The following CFDP1 variants were observed in gnomAD, a reference collection of about 807,000 sequenced individuals.
CFDP1 encodes heterochromatin-stabilizing protein CFDP1.
CFDP1 carries 31 observed loss-of-function variants against 40.1 expected under a neutral mutation model. The observed-to-expected ratio is 0.77, with a 90% CI of 0.58 to 1.04. The LOEUF (loss-of-function observed/expected upper bound fraction) is 1.04, where lower values mean the gene tolerates loss of function less well. Among genes scored for constraint, CFDP1 ranks in the 50% least tolerant of loss-of-function variants. CFDP1 has a pLI of 0.00. For missense variants in CFDP1, 423 were observed against 343.4 expected, an observed-to-expected ratio of 1.23 and a Z score of -1.83; for synonymous variants, 167 against 120.0, an observed-to-expected ratio of 1.39 and a Z score of -2.56.
chr16:75,367,284 A>T (rs1293744401), intron 5 of CFDP1, among the ~76,000 whole-genome samples: 1 of 151,984 alleles, frequency 6.6e-6, no homozygotes, highest in Non-Finnish European at 1.5e-5. Flanking sequence ...ACAATAGAAA[A>T]ATTTAGGGAG....
chr16:75,336,916 T>C (rs2078492889), intron 5 of CFDP1, among the ~76,000 whole-genome samples: 1 of 152,216 alleles, frequency 6.6e-6, no homozygotes, highest in Admixed American at 6.5e-5. Context: ...TCTTGCGAGC[T>C]GTTGGTTCCT....
intron 1 of CFDP1, among the ~76,000 whole-genome samples, chr16:75,427,249 A>AT (rs1367448098): frequency 4.6e-5 from 7 of 151,388 alleles, no homozygotes; most frequent in Admixed American, 2.6e-4. Context: ...AAATTAGCTA[A>AT]TTTTTTTTCT....
chr16:75,397,886 C>T (rs166012), intron 4 of CFDP1, among the ~76,000 whole-genome samples: 3,383 of 152,312 alleles, frequency 0.022, 57 homozygotes, highest in Non-Finnish European at 0.035. Flanking sequence ...CTTGGATACA[C>T]GACTTGCTAC....
At chr16:75,375,581 CAGG>C (rs2078786141) in intron 5 of CFDP1, among the ~76,000 whole-genome samples, 1 of 151,962 alleles carries the variant, frequency 6.6e-6, no homozygotes, top group African/African-American at 2.4e-5. Context: ...CACCTCAGGT[CAGG>C]AGTTCAAGAC....
chr16:75,354,462 G>A (rs1003384955), intron 5 of CFDP1, among the ~76,000 whole-genome samples: 6 of 152,106 alleles, frequency 3.9e-5, no homozygotes. Flanking sequence ...AAAGTCATAT[G>A]AGCATGAGGT....
At position 75,377,180 on chromosome 16, in the gene CFDP1, C is replaced by A. The variant is rs976165505; in HGVS notation, c.650+17910G>T. Among the ~76,000 whole-genome samples, 3 of 152,206 alleles carry A rather than the reference C, an allele frequency of 2.0e-5. No individual in the cohort carries two copies. In the East Asian group the frequency reaches 5.8e-4, roughly 29 times the overall value. ...ATGGATGTATTCAATTGTGAAAACT[C>A]ATTAAATTGAACACTTAAGGCCCCT... is the stretch of plus-strand genomic sequence containing the variant. On this transcript the variant is annotated intron_variant, in intron 5 of 6. Coordinates refer to ENST00000283882, the MANE Select transcript of CFDP1 (RefSeq NM_006324.3).
chr16:75,367,934 G>A (rs556322792), intron 5 of CFDP1, among the ~76,000 whole-genome samples: 1 of 150,946 alleles, frequency 6.6e-6, no homozygotes, highest in African/African-American at 2.5e-5. Context: ...GTGAAACTCT[G>A]CCTCTACTAA....
intron 5 of CFDP1, 148 bp from the exon 6 acceptor site, chr16:75,305,330 G>A (rs1188754947): frequency 1.4e-6 from 1 of 728,666 alleles, no homozygotes; most frequent in Non-Finnish European, 2.2e-6. Context: ...CCTTCCTGGT[G>A]TGGAGAGCAC....
chr16:75,350,405 T>A (rs1282798099), intron 5 of CFDP1, among the ~76,000 whole-genome samples: 1 of 152,208 alleles, frequency 6.6e-6, no homozygotes, highest in Non-Finnish European at 1.5e-5. Flanking sequence ...GCTATTTCCA[T>A]CTTTTTAAAT....
At chr16:75,374,841 C>G (rs920323151) in intron 5 of CFDP1, among the ~76,000 whole-genome samples, 1 of 152,040 alleles carries the variant, frequency 6.6e-6, no homozygotes, top group African/African-American at 2.4e-5. Flanking sequence ...CTTACTAATT[C>G]TTCAAAATTT....
intron 5 of CFDP1, among the ~76,000 whole-genome samples, chr16:75,329,842 C>G (rs940357695): frequency 1.3e-5 from 2 of 152,188 alleles, no homozygotes; most frequent in African/African-American, 4.8e-5. Flanking sequence ...GTGCTAGCAA[C>G]CATGCTGATG....
At chr16:75,308,206 C>T (rs1389813424) in intron 5 of CFDP1, among the ~76,000 whole-genome samples, 3 of 152,190 alleles carry the variant, frequency 2.0e-5, no homozygotes, top group Non-Finnish European at 2.9e-5. Context: ...GGTGGTTAAA[C>T]GGCCAGCCTC....
chr16:75,433,459 A>G lies in CFDP1; in HGVS notation c.-107T>C. 1 of 1,107,914 alleles carries G rather than the reference A, an allele frequency of 9.0e-7. No individual in the cohort carries two copies. 68.6% of individuals were successfully genotyped at this position (1,107,914 alleles called of 1,614,324 possible). A position where few individuals can be genotyped will look rare whatever the true frequency, so the allele number is the denominator to read the frequency against. On this transcript the variant is annotated 5_prime_UTR_variant, in exon 1 of 7. Coordinates refer to ENST00000283882, the MANE Select transcript of CFDP1 (RefSeq NM_006324.3). ...AGCCCCGGCGGCGGCGACGGCAGCT[A>G]GGGCGGCCCCCGACAGCGCTTTGCA...
chr16:75,300,196 G>A (rs1355694546), intron 6 of CFDP1, among the ~76,000 whole-genome samples: 39 of 152,204 alleles, frequency 2.6e-4, no homozygotes, highest in Admixed American at 2.4e-3. Flanking sequence ...GTGGGGCTGC[G>A]TGAATAGAAA....
chr16:75,424,435 A>G (rs8057652), intron 1 of CFDP1, among the ~76,000 whole-genome samples: 32,727 of 152,160 alleles, frequency 0.22, 3,908 homozygotes, highest in African/African-American at 0.32. Flanking sequence ...AAGTGGTAAA[A>G]CACTAGTTTC....
At chr16:75,419,966 C>T (rs2079258465) in intron 1 of CFDP1, among the ~76,000 whole-genome samples, 1 of 151,976 alleles carries the variant, frequency 6.6e-6, no homozygotes, top group Non-Finnish European at 1.5e-5. Flanking sequence ...CCCTCGAATT[C>T]TTTCTTGTTC....
At chr16:75,378,591 T>A (rs1312418901) in intron 5 of CFDP1, among the ~76,000 whole-genome samples, 1 of 152,128 alleles carries the variant, frequency 6.6e-6, no homozygotes, top group Non-Finnish European at 1.5e-5. Flanking sequence ...AGACAAAATC[T>A]ACGCCTTCAA....
intron 1 of CFDP1, among the ~76,000 whole-genome samples, chr16:75,421,141 G>C (rs1463873102): frequency 6.6e-6 from 1 of 152,202 alleles, no homozygotes; most frequent in East Asian, 1.9e-4. Context: ...GCTGTTTGCA[G>C]CGGGGAGGAG....
chr16:75,346,840 C>T (rs1470638199), intron 5 of CFDP1, among the ~76,000 whole-genome samples: 1 of 151,712 alleles, frequency 6.6e-6, no homozygotes, highest in African/African-American at 2.4e-5. Flanking sequence ...AATCAAAACT[C>T]GAAAATCTAG....
Sources: allele counts gnomAD v4.1 joint callset (sites outside exome capture counted in the v4.1 genomes callset), GRCh38; gene constraint gnomAD v4.1.1; transcripts MANE v1.5; gene names NCBI Gene and HGNC (gene_info 2026-07-23, HGNC 2026-07-21).